The following GATAD1 variants were observed in gnomAD, a reference collection of about 807,000 sequenced individuals.
GATAD1 encodes the protein GATA zinc finger domain containing 1.
GATAD1 carries 12 observed loss-of-function variants against 26.5 expected under a neutral mutation model. That is an observed-to-expected ratio of 0.45 (90% CI 0.29 to 0.73). GATAD1 has a LOEUF of 0.73. GATAD1 is among the 30% of genes least tolerant of loss of function. GATAD1 has a pLI of 0.10. For missense variants in GATAD1, 266 were observed against 342.1 expected, an observed-to-expected ratio of 0.78 and a Z score of 1.75; for synonymous variants, 129 against 133.1, an observed-to-expected ratio of 0.97 and a Z score of 0.21.
intron 3 of GATAD1, 107 bp downstream of exon 3, chr7:92,450,867 G>C (rs773379341): frequency 1.3e-5 from 9 of 683,682 alleles, no homozygotes; most frequent in African/African-American, 3.7e-5. Flanking sequence ...TTTGTATAAG[G>C]TGTGATTATA....
chr7:92,494,243 A>G, the GATAD1 span: 2 of 1,323,084 alleles, frequency 1.5e-6, no homozygotes, highest in Admixed American at 3.5e-5. Flanking sequence ...GCTCACAAGG[A>G]AAGAGTGTAG....
At chr7:92,461,620 AAG>A (rs1354303216), downstream of GATAD1, among the ~76,000 whole-genome samples, 1 of 152,240 alleles carries the variant, frequency 6.6e-6, no homozygotes, top group Non-Finnish European at 1.5e-5. Flanking sequence ...AAAGTAATGA[AAG>A]AGATCACATA....
the GATAD1 span, chr7:92,470,505 C>G: frequency 1.7e-6 from 1 of 595,448 alleles, no homozygotes; most frequent in Non-Finnish European, 3.0e-6. Context: ...TTGGCAGTAT[C>G]CAGGATTTGA....
At chr7:92,468,211 G>A in the GATAD1 span, among the ~76,000 whole-genome samples, 3 of 152,216 alleles carry the variant, frequency 2.0e-5, no homozygotes, top group Non-Finnish European at 4.4e-5. Flanking sequence ...CAAGCCTTTA[G>A]CCCGATTGGG....
At chr7:92,456,278 G>A in intron 4 of GATAD1, 94 bp from the exon 5 acceptor site, 1 of 683,074 alleles carries the variant, frequency 1.5e-6, no homozygotes, top group East Asian at 2.7e-5. Flanking sequence ...TGCTCCCAGA[G>A]TGGTCTCTCC....
the GATAD1 span, chr7:92,493,917 C>G: frequency 7.4e-6 from 2 of 269,392 alleles, no homozygotes; most frequent in Non-Finnish European, 1.4e-5. Flanking sequence ...AAAATTATCT[C>G]TATGAAACCT....
At chr7:92,470,057 A>G in the GATAD1 span, 1 of 778,846 alleles carries the variant, frequency 1.3e-6, no homozygotes, top group Non-Finnish European at 2.4e-6. Context: ...GTTTGGGTGA[A>G]GTAAGTCCAA....
At chr7:92,483,319 T>A in the GATAD1 span, among the ~76,000 whole-genome samples, 1 of 152,214 alleles carries the variant, frequency 6.6e-6, no homozygotes, top group Non-Finnish European at 1.5e-5. Flanking sequence ...TTTGAAGTTC[T>A]TGTTTGCTGG....
At chr7:92,448,118 A>G (rs539423871) in intron 1 of GATAD1, 140 bp downstream of exon 1, 71 of 501,388 alleles carry the variant, frequency 1.4e-4, no homozygotes, top group African/African-American at 1.4e-3. Context: ...CCCACCTCCT[A>G]CTGAGATCTT....
intron 3 of GATAD1, among the ~76,000 whole-genome samples, chr7:92,453,621 C>A (rs1789533312): frequency 6.6e-6 from 1 of 152,118 alleles, no homozygotes; most frequent in Non-Finnish European, 1.5e-5. Flanking sequence ...GTAAACATAT[C>A]CTGAAGACTA....
At chr7:92,495,570 T>G in the GATAD1 span, among the ~76,000 whole-genome samples, 3 of 152,200 alleles carry the variant, frequency 2.0e-5, no homozygotes, top group Admixed American at 2.0e-4. Context: ...CTATGTCACC[T>G]AAGTTTTCAA....
At chr7:92,451,458 C>T (rs959915635) in intron 3 of GATAD1, among the ~76,000 whole-genome samples, 12 of 152,300 alleles carry the variant, frequency 7.9e-5, no homozygotes, top group Non-Finnish European at 1.8e-4. Flanking sequence ...TTTGGTGTTT[C>T]GGGATCTGAA....
chr7:92,452,331 AATGCCC>A (rs1245768671), intron 3 of GATAD1, among the ~76,000 whole-genome samples: 2 of 152,234 alleles, frequency 1.3e-5, no homozygotes, highest in African/African-American at 2.4e-5. Flanking sequence ...TAATGTTGCA[AATGCCC>A]AGTATTGTAG....
At chr7:92,489,186 A>C in the GATAD1 span, 1 of 1,038,106 alleles carries the variant, frequency 9.6e-7, no homozygotes, top group East Asian at 2.6e-5. Context: ...ATTAGCTTTT[A>C]AATATTCAAA....
chr7:92,455,033 T>G (rs1053585916), intron 4 of GATAD1, among the ~76,000 whole-genome samples: 1 of 151,980 alleles, frequency 6.6e-6, no homozygotes, highest in African/African-American at 2.4e-5. Flanking sequence ...TTAACCTTAA[T>G]TGCCTCCCTA....
chr7:92,475,129 T>G, the GATAD1 span: 2 of 152,182 alleles, frequency 1.3e-5, no homozygotes, highest in African/African-American at 4.8e-5. Context: ...ATTTGCCTTT[T>G]CTACAAAAGA....
At chr7:92,462,864 TG>T (rs1199522786), downstream of GATAD1, 2 of 152,236 alleles carry the variant, frequency 1.3e-5, no homozygotes, top group Non-Finnish European at 2.9e-5. Flanking sequence ...AACCCAAATC[TG>T]CTAGCACCTT....
At chr7:92,490,408 G>C in the GATAD1 span, among the ~76,000 whole-genome samples, 4 of 152,126 alleles carry the variant, frequency 2.6e-5, no homozygotes, top group African/African-American at 9.7e-5. Flanking sequence ...GTCAAGGCAC[G>C]CAGATAGCTT....
intron 1 of GATAD1, 61 bp downstream of exon 1, chr7:92,448,039 G>C: frequency 1.7e-6 from 2 of 1,163,832 alleles, no homozygotes; most frequent in East Asian, 7.1e-5. Context: ...GGGCGGGGAC[G>C]GGCTGGCTGG....
Sources: allele counts gnomAD v4.1 joint callset (sites outside exome capture counted in the v4.1 genomes callset), GRCh38; gene constraint gnomAD v4.1.1; transcripts MANE v1.5; gene names NCBI Gene and HGNC (gene_info 2026-07-23, HGNC 2026-07-21).